Variants in CPVL observed in about 807,000 individuals in gnomAD.
The protein encoded by CPVL is probable serine carboxypeptidase CPVL.
Under a neutral mutation model 63.7 loss-of-function variants are expected in CPVL, and 51 were observed. The observed-to-expected ratio is 0.80, with a 90% CI of 0.64 to 1.01. The LOEUF is 1.01. Among genes scored for constraint, CPVL ranks in the 50% least tolerant of loss-of-function variants. The pLI is 0.00. For synonymous variants in CPVL, 195 were observed against 206.0 expected (o/e 0.95, Z 0.46); for missense variants, 530 against 573.1 (o/e 0.92, Z 0.77).
upstream of CPVL, chr7:29,146,938 T>C: frequency 6.4e-7 from 1 of 1,551,162 alleles, no homozygotes; most frequent in Non-Finnish European, 8.7e-7. Flanking sequence ...TCGCTGATGG[T>C]CTACATTCCA....
intron 12 of CPVL, among the ~76,000 whole-genome samples, chr7:29,026,684 C>T (rs535472290): frequency 3.9e-4 from 59 of 152,022 alleles, no homozygotes; most frequent in African/African-American, 1.3e-3. Context: ...CACACAAATA[C>T]GAAGGATCAT....
intron 6 of CPVL, among the ~76,000 whole-genome samples, chr7:29,088,259 T>TA (rs1785408731): frequency 6.6e-6 from 1 of 152,216 alleles, no homozygotes; most frequent in Admixed American, 6.5e-5. Flanking sequence ...GGAATATACT[T>TA]ACATTAAAAT....
intron 1 of CPVL, among the ~76,000 whole-genome samples, chr7:29,189,201 C>G (rs543361094): frequency 2.0e-5 from 3 of 152,120 alleles, no homozygotes; most frequent in African/African-American, 7.2e-5. Context: ...TCTGCCCAAC[C>G]TCAGCCTCCC....
At chr7:29,001,076 G>C (rs1310049660) in intron 12 of CPVL, 1 of 152,250 alleles carries the variant, frequency 6.6e-6, no homozygotes, top group Non-Finnish European at 1.5e-5. Flanking sequence ...GTGGGCTCAT[G>C]GGAGGGATGG....
At chr7:29,095,203 A>G in intron 4 of CPVL, 61 bp from the exon 5 acceptor site, 7 of 1,427,648 alleles carry the variant, frequency 4.9e-6, no homozygotes, top group African/African-American at 1.4e-5. Context: ...CCGAGGCCTC[A>G]TGGTGGTCAG....
At chr7:29,185,537 A>G (rs1798602738) in exon 3 of CPVL, 1 of 152,170 alleles carries the variant, frequency 6.6e-6, no homozygotes, top group African/African-American at 2.4e-5. Context: ...CTCTTCAACA[A>G]TATAATCTGT....
At chr7:29,019,818 A>G (rs1353639156) in intron 12 of CPVL, among the ~76,000 whole-genome samples, 3 of 152,150 alleles carry the variant, frequency 2.0e-5, no homozygotes, top group Non-Finnish European at 2.9e-5. Context: ...CCCCAAACCA[A>G]CGCTGAGGCA....
intron 7 of CPVL, chr7:29,081,286 TG>T (rs1024785222): frequency 1.5e-4 from 23 of 152,382 alleles, no homozygotes; most frequent in African/African-American, 5.5e-4. Flanking sequence ...TTTTGAAGTA[TG>T]TTTTTTTCAT....
intron 9 of CPVL, among the ~76,000 whole-genome samples, chr7:29,069,567 G>C (rs2128572705): frequency 6.6e-6 from 1 of 152,264 alleles, no homozygotes; most frequent in Middle Eastern, 3.4e-3. Flanking sequence ...ATACTGGACA[G>C]AGGATCAGTC....
chr7:29,002,865 T>G (rs1285475473), intron 12 of CPVL, among the ~76,000 whole-genome samples: 8 of 43,950 alleles, frequency 1.8e-4, no homozygotes, highest in Middle Eastern at 0.014. Flanking sequence ...GTATGAAAAT[T>G]CAAAAAAAAA....
chr7:29,150,781 A>T (rs753092796), upstream of CPVL, among the ~76,000 whole-genome samples: 1 of 152,166 alleles, frequency 6.6e-6, no homozygotes, highest in East Asian at 1.9e-4. Context: ...GTTGTTACTG[A>T]TCTTCAATGG....
At chr7:29,147,862 A>G (rs1584414112), upstream of CPVL, among the ~76,000 whole-genome samples, 1 of 152,352 alleles carries the variant, frequency 6.6e-6, no homozygotes, top group East Asian at 1.9e-4. Flanking sequence ...CTTCCTACCT[A>G]GACAAATATA....
At chr7:29,062,263 T>A (rs1782686745) in intron 11 of CPVL, among the ~76,000 whole-genome samples, 1 of 152,014 alleles carries the variant, frequency 6.6e-6, no homozygotes, top group African/African-American at 2.4e-5. Flanking sequence ...CACGTTAGAG[T>A]GTGCCATGTA....
intron 2 of CPVL, among the ~76,000 whole-genome samples, chr7:29,116,274 T>A (rs1788771749): frequency 1.3e-5 from 2 of 152,224 alleles, no homozygotes; most frequent in Admixed American, 1.3e-4. Flanking sequence ...AGTTTTGCCC[T>A]GTTTCAAATT....
At chr7:29,010,864 G>A (rs183131854) in intron 12 of CPVL, 7 of 152,300 alleles carry the variant, frequency 4.6e-5, no homozygotes, top group Non-Finnish European at 8.8e-5. Flanking sequence ...TCCTGTGAGA[G>A]TGGTGGGTGA....
downstream of CPVL, among the ~76,000 whole-genome samples, chr7:28,995,070 T>G (rs1783941753): frequency 6.6e-6 from 1 of 152,164 alleles, no homozygotes; most frequent in African/African-American, 2.4e-5. Context: ...AGTAGAGAAT[T>G]TGAAGCCCAA....
At chr7:29,034,033 T>G (rs1788280604) in intron 11 of CPVL, among the ~76,000 whole-genome samples, 1 of 152,232 alleles carries the variant, frequency 6.6e-6, no homozygotes, top group Non-Finnish European at 1.5e-5. Flanking sequence ...GAGCTATGGT[T>G]GATTTATTTT....
intron 7 of CPVL, among the ~76,000 whole-genome samples, chr7:29,077,348 A>G (rs533105436): frequency 4.6e-5 from 7 of 152,324 alleles, no homozygotes; most frequent in South Asian, 2.1e-4. Context: ...CCTTGCTTCT[A>G]GGTACACATT....
At chr7:29,019,455 CA>C (rs1786738356) in intron 12 of CPVL, among the ~76,000 whole-genome samples, 1 of 152,170 alleles carries the variant, frequency 6.6e-6, no homozygotes, top group Non-Finnish European at 1.5e-5. Flanking sequence ...GATGTGAATA[CA>C]CAGGGAAAAT....
Sources: allele counts gnomAD v4.1 joint callset (sites outside exome capture counted in the v4.1 genomes callset), GRCh38; gene constraint gnomAD v4.1.1; transcripts MANE v1.5; gene names NCBI Gene and HGNC (gene_info 2026-07-23, HGNC 2026-07-21).